Variants in ZNF474 observed in about 807,000 individuals in gnomAD.
The protein encoded by ZNF474 is zinc finger protein 474, also known as 4933409D10Rik.
For synonymous variants in ZNF474, 192 were observed against 162.2 expected (o/e 1.18, Z -1.39); for missense variants, 511 against 433.8 (o/e 1.18, Z -1.58).
Position 122,152,229 on chromosome 5 carries a change from G to C in ZNF474, c.239G>C (p.Ser80Thr). ...TCAAGTAGAAGAATTATATCGGAAAGCCAGCTTAGCCCCCCTGTGATCCCG... is the reference window on the plus strand; with the variant it reads ...TCAAGTAGAAGAATTATATCGGAAACCCAGCTTAGCCCCCCTGTGATCCCG... Reference protein sequence around the residue: ...KLSSRRIISESQLSPPVIPAR... With the variant: ...KLSSRRIISETQLSPPVIPAR... The change falls in exon 2 of 2, where the codon AGC becomes ACC. Residue 80 changes from serine (S) to threonine (T), a missense_variant. Physicochemically the swap from Ser to Thr is moderately conservative, Grantham distance 58. Transcript: ENST00000296600. The C allele has an allele frequency of 6.2e-7, 1 of 1,614,162 alleles. No homozygotes were observed. The highest frequency in any genetic ancestry group is 8.5e-7 in the Non-Finnish European group (1 of 1,180,032).
At chr5:122,137,333 A>G (rs1755724187) in intron 1 of ZNF474, among the ~76,000 whole-genome samples, 1 of 151,100 alleles carries the variant, frequency 6.6e-6, no homozygotes, top group African/African-American at 2.4e-5. Flanking sequence ...CTGCAATCTC[A>G]GCTACTTGGG....
rs1242405661 is a variant in ZNF474, at chr5:122,152,845, GT to G, written c.857del (p.Phe286SerfsTer33). 6.2e-7 allele frequency: 1 copy of G among 1,614,168 alleles called. No homozygotes were observed. The highest frequency in any genetic ancestry group is 8.5e-7 in the Non-Finnish European group (1 of 1,180,034). On this transcript the variant is annotated frameshift_variant, in exon 2 of 2. Transcript: ENST00000296600. LOFTEE classifies it low-confidence loss of function (END_TRUNC). ...QAGPNQAQLVFCPHCSRIFTS... is the reference protein window; with the variant it reads ...QAGPNQAQLVXCPHCSRIFTS... ...CGGGACCAAATCAAGCTCAGCTTGT[GT>G]TCTGCCCACATTGTAGCCGAATCTT...
Position 122,152,388 on chromosome 5 carries a change from G to A in ZNF474, c.398G>A (p.Arg133Lys). The change falls in exon 2 of 2, where the codon AGG becomes AAG. Residue 133 changes from arginine to lysine, a missense_variant. Coordinates refer to ENST00000296600, the MANE Select transcript of ZNF474 (RefSeq NM_207317.3). ...ENSKLPKHLR[R>K]PEPSKPQSLS... ...AGCAAGTTGCCCAAGCATTTGAGGA[G>A]GCCAGAACCCTCCAAACCACAGTCT... 1 of 1,614,176 alleles carries A rather than the reference G, an allele frequency of 6.2e-7. No individual in the cohort carries two copies. Among genetic ancestry groups the A allele is most frequent in the Non-Finnish European group, 8.5e-7 (1 of 1,180,046 alleles).
At chr5:122,134,878 A>G (rs191577553) in intron 1 of ZNF474, among the ~76,000 whole-genome samples, 3 of 152,314 alleles carry the variant, frequency 2.0e-5, no homozygotes, top group Admixed American at 6.5e-5. Flanking sequence ...AATCTAAAAC[A>G]TAAAACTATA....
intron 1 of ZNF474, among the ~76,000 whole-genome samples, chr5:122,131,105 G>T (rs1380500894): frequency 6.6e-6 from 1 of 152,032 alleles, no homozygotes; most frequent in African/African-American, 2.4e-5. Flanking sequence ...ATCACAAGGA[G>T]ATATTACCAT....
intron 1 of ZNF474, among the ~76,000 whole-genome samples, chr5:122,134,086 C>A (rs1755640450): frequency 6.6e-6 from 1 of 152,096 alleles, no homozygotes; most frequent in Non-Finnish European, 1.5e-5. Flanking sequence ...TGAACAATTC[C>A]AGAACACCCT....
At chr5:122,132,511 G>A (rs558778533) in intron 1 of ZNF474, among the ~76,000 whole-genome samples, 3 of 151,858 alleles carry the variant, frequency 2.0e-5, no homozygotes, top group South Asian at 4.1e-4. Flanking sequence ...TTAAGAGAAA[G>A]TATAATTTAT....
At chr5:122,136,579 G>A (rs1354021518) in intron 1 of ZNF474, among the ~76,000 whole-genome samples, 2 of 152,150 alleles carry the variant, frequency 1.3e-5, no homozygotes, top group Non-Finnish European at 2.9e-5. Flanking sequence ...TTACCATGAG[G>A]TATAGTGCTT....
At chr5:122,138,298 C>G (rs1580599883) in intron 1 of ZNF474, among the ~76,000 whole-genome samples, 1 of 152,254 alleles carries the variant, frequency 6.6e-6, no homozygotes, top group African/African-American at 2.4e-5. Flanking sequence ...TGCCTTTTCC[C>G]TTTTCCCTCA....
At position 122,153,081 on chromosome 5, in the gene ZNF474, T is replaced by C; in HGVS notation, c.1091T>C (p.Leu364Pro). 1 of 1,604,450 alleles carries C rather than the reference T, an allele frequency of 6.2e-7. No individual in the cohort carries two copies. Among genetic ancestry groups the C allele is most frequent in the South Asian group, 1.1e-5 (1 of 89,918 alleles). The stretch of plus-strand genomic sequence containing the variant: ...GGTGAACCTGGTGGTGCCCTCTGCC[T>C]GTAGGGGAACAAGAGAAAACTATCC... ...ALGEPGGALCL is the reference protein window; with the variant it reads ...ALGEPGGALCP The change falls in exon 2 of 2, where the codon CTG (leucine) becomes CCG (proline). Residue 364 changes from leucine (L) to proline (P), a missense_variant. Physicochemically the swap from Leu to Pro is moderately conservative, Grantham distance 98. Transcript: ENST00000296600.
At chr5:122,132,886 A>G (rs186923744) in intron 1 of ZNF474, among the ~76,000 whole-genome samples, 2 of 152,266 alleles carry the variant, frequency 1.3e-5, no homozygotes, top group Admixed American at 1.3e-4. Flanking sequence ...TAATAAGCCA[A>G]CTTATATTAT....
chr5:122,144,807 T>G (rs527957884), intron 1 of ZNF474, among the ~76,000 whole-genome samples: 1 of 152,200 alleles, frequency 6.6e-6, no homozygotes, highest in Non-Finnish European at 1.5e-5. Context: ...AGGCCTCTAA[T>G]GTGATTATAC....
chr5:122,152,194 A>G lies in ZNF474; in HGVS notation c.204A>G (p.Leu68=), dbSNP rs1561444402. Residue 68 remains leucine, a synonymous_variant, in exon 2 of 2, where the codon CTA becomes CTG. Coordinates refer to ENST00000296600, the MANE Select transcript of ZNF474 (RefSeq NM_207317.3). ...TQKKRPGTVI[L]SKLSSRRIIS... ...AAAAGAGACCTGGGACTGTGATACT[A>G]TCAAAACTGTCAAGTAGAAGAATTA... is the stretch of plus-strand genomic sequence containing the variant. 5.6e-6 allele frequency: 9 copies of G among 1,614,132 alleles called. No individual in the cohort carries two copies. Among genetic ancestry groups the G allele is most frequent in the Non-Finnish European group, 7.6e-6 (9 of 1,180,036 alleles).
At chr5:122,140,798 A>G (rs1755817630) in intron 1 of ZNF474, among the ~76,000 whole-genome samples, 1 of 152,220 alleles carries the variant, frequency 6.6e-6, no homozygotes, top group Admixed American at 6.5e-5. Context: ...CTCCTGTATT[A>G]AAATGAAATC....
intron 1 of ZNF474, among the ~76,000 whole-genome samples, chr5:122,132,324 CA>C (rs1452736216): frequency 1.3e-5 from 2 of 151,968 alleles, no homozygotes; most frequent in African/African-American, 4.8e-5. Flanking sequence ...CATATACTTT[CA>C]TTTTTTTAGG....
chr5:122,136,797 T>A (rs1755713588), intron 1 of ZNF474, among the ~76,000 whole-genome samples: 1 of 152,212 alleles, frequency 6.6e-6, no homozygotes, highest in Non-Finnish European at 1.5e-5. Context: ...CCCTTTATGT[T>A]TTTTATTCCT....
chr5:122,146,101 C>A (rs1289196163), intron 1 of ZNF474, among the ~76,000 whole-genome samples: 1 of 152,270 alleles, frequency 6.6e-6, no homozygotes, highest in East Asian at 1.9e-4. Flanking sequence ...ACACAGGAAG[C>A]CTTTAAAAGG....
intron 1 of ZNF474, 41 bp from the exon 2 acceptor site, chr5:122,151,738 T>TGTGTG: frequency 5.1e-6 from 2 of 392,058 alleles, no homozygotes; most frequent in South Asian, 3.2e-5. Context: ...TGTGTGTGTG[T>TGTGTG]TTACATAATA....
intron 1 of ZNF474, among the ~76,000 whole-genome samples, chr5:122,138,467 T>C (rs532595229): frequency 1.3e-5 from 2 of 152,340 alleles, no homozygotes; most frequent in South Asian, 4.1e-4. Flanking sequence ...TTCAAAAGGT[T>C]ATTTTAGTGA....
Sources: allele counts gnomAD v4.1 joint callset (sites outside exome capture counted in the v4.1 genomes callset), GRCh38; gene constraint gnomAD v4.1.1; transcripts MANE v1.5; gene names NCBI Gene and HGNC (gene_info 2026-07-23, HGNC 2026-07-21).